Variants in ATE1 observed in about 807,000 individuals in gnomAD.
The protein encoded by ATE1 is arginyl-tRNA--protein transferase 1.
ATE1 carries 36 observed loss-of-function variants against 70.5 expected under a neutral mutation model. The ratio of observed to expected loss-of-function variants is 0.51; its 90% confidence interval spans 0.39 to 0.67. The LOEUF is 0.67. Ranked by LOEUF, ATE1 falls within the 30% of genes least tolerant of loss-of-function variation. ATE1 has a pLI of 0.00. For synonymous variants in ATE1, 232 were observed against 219.3 expected (o/e 1.06, Z -0.51); for missense variants, 593 against 629.5 (o/e 0.94, Z 0.62).
chr10:121,743,916 CTTTTT>C (rs35850942), intron 11 of ATE1, 58 bp from the exon 12 acceptor site: 3,320 of 867,346 alleles, frequency 3.8e-3, no homozygotes, highest in Admixed American at 0.01. Context: ...TTTTTGTTTC[CTTTTT>C]TTTTTTTTTT....
chr10:121,878,045 A>G (rs1950110722), intron 7 of ATE1, among the ~76,000 whole-genome samples: 1 of 152,272 alleles, frequency 6.6e-6, no homozygotes, highest in Non-Finnish European at 1.5e-5. Context: ...AATACTACAT[A>G]GCATTGAAAG....
intron 5 of ATE1, among the ~76,000 whole-genome samples, chr10:121,908,611 T>TTA (rs1951296074): frequency 6.6e-6 from 1 of 152,144 alleles, no homozygotes; most frequent in Non-Finnish European, 1.5e-5. Flanking sequence ...AACGAAGAAA[T>TTA]GATAGAGTAT....
rs1590191515 is a variant in ATE1 at position 121,743,498 on chromosome 10, A to G, written c.*182T>C. ...GTCATAATGCAGTTTTAAAATCTTT[A>G]TATTAACTATGAGATTCTCACAGAT... On this transcript the variant is annotated 3_prime_UTR_variant, in exon 12 of 12. Coordinates refer to ENST00000224652, the MANE Select transcript of ATE1 (RefSeq NM_001001976.3). 8.2e-7 allele frequency: 1 copy of G among 1,217,292 alleles called. No individual in the cohort carries two copies. The highest frequency in any genetic ancestry group is 3.0e-5 in the East Asian group (1 of 33,544). The allele number at this position is 1,217,292 out of a possible 1,614,324, so 75.4% of individuals were successfully genotyped here.
intron 4 of ATE1, among the ~76,000 whole-genome samples, chr10:121,912,889 G>A (rs560964037): frequency 2.0e-5 from 3 of 151,008 alleles, no homozygotes; most frequent in Admixed American, 6.6e-5. Context: ...CGTGCACCAC[G>A]AAGCTCGGCC....
chr10:121,871,331 C>T (rs924842118), intron 7 of ATE1, among the ~76,000 whole-genome samples: 1 of 151,952 alleles, frequency 6.6e-6, no homozygotes, highest in Admixed American at 6.6e-5. Flanking sequence ...TGGTAGTGGG[C>T]GCCTGTAATC....
Position 121,741,748 on chromosome 10 carries a change from T to C in ATE1, c.*1932A>G, listed in dbSNP as rs1231732156. On this transcript the variant is annotated 3_prime_UTR_variant, in exon 12 of 12. Transcript: ENST00000224652. ...GCCTTATTTTGAAATTTATTTCACA[T>C]TTCAGACATGTCCATAATTTACTGT... 1 of 152,234 alleles carries C rather than the reference T, an allele frequency of 6.6e-6. No individual in the cohort carries two copies. The highest frequency in any genetic ancestry group is 1.5e-5 in the Non-Finnish European group (1 of 68,032). 9.4% of individuals were successfully genotyped at this position (152,234 alleles called of 1,614,324 possible). A position where few individuals can be genotyped will look rare whatever the true frequency, so the allele number is the denominator to read the frequency against.
intron 8 of ATE1, among the ~76,000 whole-genome samples, chr10:121,864,397 C>T (rs149425333): frequency 6.6e-6 from 1 of 152,334 alleles, no homozygotes; most frequent in East Asian, 1.9e-4. Flanking sequence ...GGAAGTGGAG[C>T]TCAGGCAGCA....
At chr10:121,804,078 T>C (rs1323800570) in intron 10 of ATE1, among the ~76,000 whole-genome samples, 1 of 152,338 alleles carries the variant, frequency 6.6e-6, no homozygotes, top group Non-Finnish European at 1.5e-5. Context: ...GCCTACACTT[T>C]AGTAGCAAGT....
chr10:121,848,410 A>G (rs1323103686), intron 8 of ATE1, among the ~76,000 whole-genome samples: 5 of 152,028 alleles, frequency 3.3e-5, no homozygotes, highest in Admixed American at 3.3e-4. Context: ...TGAGGCAAGG[A>G]GTTCGAGACC....
chr10:121,858,089 C>T (rs921356777), intron 8 of ATE1, among the ~76,000 whole-genome samples: 7 of 152,102 alleles, frequency 4.6e-5, no homozygotes, highest in Admixed American at 1.3e-4. Flanking sequence ...ATTCATCCAC[C>T]GATGAATACT....
intron 10 of ATE1, among the ~76,000 whole-genome samples, chr10:121,808,868 C>A (rs969980458): frequency 1.3e-5 from 2 of 152,126 alleles, no homozygotes; most frequent in Non-Finnish European, 2.9e-5. Context: ...AGGTTATTCC[C>A]AATGTGAAAT....
intron 11 of ATE1, among the ~76,000 whole-genome samples, chr10:121,776,442 G>C (rs900084361): frequency 2.6e-5 from 4 of 152,082 alleles, no homozygotes; most frequent in Non-Finnish European, 5.9e-5. Context: ...TAACCCTTTA[G>C]CAAAATGCTC....
intron 9 of ATE1, among the ~76,000 whole-genome samples, chr10:121,839,792 A>C (rs1948561741): frequency 6.6e-6 from 1 of 152,216 alleles, no homozygotes; most frequent in African/African-American, 2.4e-5. Context: ...TGGGCCACTG[A>C]AACACACACA....
intron 1 of ATE1, among the ~76,000 whole-genome samples, chr10:121,926,395 C>G (rs1952090235): frequency 6.6e-6 from 1 of 152,070 alleles, no homozygotes; most frequent in Non-Finnish European, 1.5e-5. Flanking sequence ...TCAATTTCAT[C>G]ATCTGTAAAT....
intron 3 of ATE1, among the ~76,000 whole-genome samples, chr10:121,914,340 C>T (rs919796819): frequency 1.3e-5 from 2 of 151,516 alleles, no homozygotes; most frequent in Non-Finnish European, 2.9e-5. Flanking sequence ...GCTGGGATTA[C>T]GTGCATGAGC....
rs960545831 is a variant in ATE1 at position 121,927,589 on chromosome 10, G to A, written c.106+255C>T. ...CACCTCACACAATCTACCCCAGACGGGCGTCCGTCTCCCGACTCTGGGGAG... is the reference window on the plus strand; with the variant it reads ...CACCTCACACAATCTACCCCAGACGAGCGTCCGTCTCCCGACTCTGGGGAG... On this transcript the variant is annotated intron_variant, in intron 1 of 11. Transcript: ENST00000224652. The A allele has an allele frequency of 1.0e-5, 10 of 973,528 alleles. No individual in the cohort carries two copies. The African/African-American group carries it at 1.6e-4, about 15-fold the overall frequency. The allele number at this position is 973,528 out of a possible 1,614,324, so 60.3% of individuals were successfully genotyped here. A position where few individuals can be genotyped will look rare whatever the true frequency, so the allele number is the denominator to read the frequency against.
chr10:121,911,613 C>T (rs1951435763), intron 4 of ATE1, among the ~76,000 whole-genome samples: 1 of 152,182 alleles, frequency 6.6e-6, no homozygotes, highest in Non-Finnish European at 1.5e-5. Context: ...TCTACCCTTC[C>T]CCACAATGGC....
Position 121,911,150 on chromosome 10 carries a change from A to C in ATE1, c.339T>G (p.Asp113Glu). 1.2e-6 allele frequency: 2 copies of C among 1,602,962 alleles called. No homozygotes were observed. The highest frequency in any genetic ancestry group is 2.7e-5 in the African/African-American group (2 of 74,194). ...KGEVPKGSCE[D>E]EPMDSTMDDA... ...CATCCATTGTGGAATCCATGGGCTC[A>C]TCTACAAATCAGAAGAAATTAAAAA... The change falls in exon 5 of 12, where the codon GAT (aspartate) becomes GAG (glutamate). Residue 113 changes from aspartate to glutamate, a missense_variant and splice_region_variant. Coordinates refer to ENST00000224652, the MANE Select transcript of ATE1 (RefSeq NM_001001976.3).
chr10:121,912,936 G>A lies in ATE1; in HGVS notation c.337+854C>T, dbSNP rs1344332058. ...GCTCTGTCACCCACGCTGGAGTGCA[G>A]TGGCACAATGTCGGCTCACTGCAAC... is the stretch of plus-strand genomic sequence containing the variant. On this transcript the variant is annotated intron_variant, in intron 4 of 11. Coordinates refer to ENST00000224652, the MANE Select transcript of ATE1 (RefSeq NM_001001976.3). Among the ~76,000 whole-genome samples the A allele has an allele frequency of 3.6e-5, 5 of 138,452 alleles. No homozygotes were observed. The East Asian group carries it at 1.1e-3, about 31-fold the overall frequency. 90.8% of individuals were successfully genotyped at this position (138,452 alleles called of 152,430 possible).
Sources: allele counts gnomAD v4.1 joint callset (sites outside exome capture counted in the v4.1 genomes callset), GRCh38; gene constraint gnomAD v4.1.1; transcripts MANE v1.5; gene names NCBI Gene and HGNC (gene_info 2026-07-23, HGNC 2026-07-21).